Variants in CDK15 observed in about 807,000 individuals in gnomAD.
The protein encoded by CDK15 is cyclin-dependent kinase 15.
In CDK15, 62 loss-of-function variants were observed where a neutral mutation model predicts 60.3. That is an observed-to-expected ratio of 1.03 (90% confidence interval 0.84 to 1.27). CDK15 has a LOEUF of 1.27. CDK15 is among the 50% of genes most tolerant of loss of function. CDK15 has a pLI of 0.00. For synonymous variants in CDK15, 194 were observed against 195.7 expected (o/e 0.99, Z 0.07); for missense variants, 541 against 527.8 (o/e 1.03, Z -0.25).
chr2:201,836,108 AT>A (rs1470263262), intron 8 of CDK15, among the ~76,000 whole-genome samples: 3 of 107,278 alleles, frequency 2.8e-5, no homozygotes, highest in East Asian at 2.4e-4. Context: ...ATATTTATAT[AT>A]TTATATATAT....
At chr2:201,855,867 C>A (rs921442202) in intron 10 of CDK15, among the ~76,000 whole-genome samples, 2 of 150,576 alleles carry the variant, frequency 1.3e-5, no homozygotes, top group Non-Finnish European at 3.0e-5. Flanking sequence ...CTCTTATCGC[C>A]CAGGCTGGAG....
At chr2:201,829,321 C>G (rs999880238) in intron 6 of CDK15, among the ~76,000 whole-genome samples, 21 of 152,148 alleles carry the variant, frequency 1.4e-4, no homozygotes, top group Admixed American at 1.2e-3. Flanking sequence ...AGGTTCCAGC[C>G]TTGACAGTGA....
chr2:201,829,065 G>A (rs1466622030), intron 6 of CDK15, among the ~76,000 whole-genome samples: 3 of 152,134 alleles, frequency 2.0e-5, no homozygotes, highest in South Asian at 2.1e-4. Flanking sequence ...TATCACAGTC[G>A]TGCTATTTTA....
intron 9 of CDK15, among the ~76,000 whole-genome samples, chr2:201,850,135 T>G (rs2105779895): frequency 6.6e-6 from 1 of 152,330 alleles, no homozygotes; most frequent in East Asian, 1.9e-4. Flanking sequence ...ATAAACTGAT[T>G]TTTAAAATAC....
chr2:201,849,212 CA>C (rs1352775291), intron 9 of CDK15, among the ~76,000 whole-genome samples: 1 of 152,192 alleles, frequency 6.6e-6, no homozygotes, highest in African/African-American at 2.4e-5. Context: ...TCCATAAAAA[CA>C]AATGCATAAC....
chr2:201,879,072 A>G (rs1316285428), intron 11 of CDK15, among the ~76,000 whole-genome samples: 2 of 152,190 alleles, frequency 1.3e-5, no homozygotes, highest in African/African-American at 4.8e-5. Context: ...CCAACCACTT[A>G]CTAGCACATA....
intron 10 of CDK15, among the ~76,000 whole-genome samples, chr2:201,870,018 A>C (rs968667979): frequency 6.6e-6 from 1 of 152,228 alleles, no homozygotes; most frequent in African/African-American, 2.4e-5. Context: ...CTTAGTGCCC[A>C]CCTGGGACTA....
rs770796387 is a variant in CDK15 at position 201,833,950 on chromosome 2, G to A, written c.709G>A (p.Glu237Lys). 6.2e-7 allele frequency: 1 copy of A among 1,613,714 alleles called. No homozygotes were observed. The highest frequency in any genetic ancestry group is 2.2e-5 in the East Asian group (1 of 44,880). ...PQNLLISHLG[E>K]LKLADFGLAR... ...GAACTTACTCATCAGTCACCTGGGA[G>A]AGCTCAAACTGGCTGATTTTGGTAA... Residue 237 changes from glutamate to lysine, a missense_variant, in exon 7 of 14, where the codon GAG becomes AAG. Transcript: ENST00000652192.
At chr2:201,863,626 C>A (rs956818393) in intron 10 of CDK15, among the ~76,000 whole-genome samples, 10 of 151,672 alleles carry the variant, frequency 6.6e-5, no homozygotes, top group Admixed American at 1.3e-4. Flanking sequence ...CCGAGGCGGG[C>A]GGATCACTTC....
chr2:201,821,321 G>A (rs1696209988), intron 4 of CDK15, among the ~76,000 whole-genome samples: 3 of 151,974 alleles, frequency 2.0e-5, no homozygotes, highest in Admixed American at 6.6e-5. Flanking sequence ...GGTAGAGGCC[G>A]GGTCAGTTCC....
intron 11 of CDK15, among the ~76,000 whole-genome samples, 169 bp downstream of exon 11, chr2:201,872,495 T>C (rs1348106852): frequency 6.6e-6 from 1 of 152,182 alleles, no homozygotes; most frequent in Non-Finnish European, 1.5e-5. Context: ...AGTCTGTTAA[T>C]TTTTTTCTAT....
At chr2:201,884,963 A>G (rs1178120675) in intron 12 of CDK15, among the ~76,000 whole-genome samples, 1 of 152,196 alleles carries the variant, frequency 6.6e-6, no homozygotes, top group Non-Finnish European at 1.5e-5. Flanking sequence ...TGTTTGAAGG[A>G]GGTGAGATTA....
At chr2:201,890,638 T>C in intron 12 of CDK15, 147 bp from the exon 13 acceptor site, 1 of 585,436 alleles carries the variant, frequency 1.7e-6, no homozygotes, top group Non-Finnish European at 3.0e-6. Flanking sequence ...AAGTGAGTCA[T>C]CTATGAGTCA....
intron 11 of CDK15, among the ~76,000 whole-genome samples, chr2:201,878,040 A>G (rs1699145200): frequency 6.6e-6 from 1 of 152,212 alleles, no homozygotes. Flanking sequence ...AAGTAAGCCC[A>G]TCTATGTCTG....
chr2:201,835,683 T>A lies in CDK15; in HGVS notation c.771T>A (p.Ser257=). 5 of 1,611,512 alleles carry A rather than the reference T, an allele frequency of 3.1e-6. No homozygotes were observed. Among genetic ancestry groups the A allele is most frequent in the Non-Finnish European group, 4.2e-6 (5 of 1,178,514 alleles). The change falls in exon 8 of 14, where the codon TCT becomes TCA. Residue 257 remains serine (S), a synonymous_variant. Transcript: ENST00000652192. ...RAKSIPSQTY[S]SEVVTLWYRP... ...AGTCCATTCCCAGCCAGACATACTC[T>A]TCAGAAGTCGTGACCCTCTGGTACC...
intron 8 of CDK15, among the ~76,000 whole-genome samples, chr2:201,842,295 A>G (rs1442239737): frequency 3.3e-5 from 5 of 152,180 alleles, no homozygotes; most frequent in Admixed American, 3.3e-4. Context: ...TTCAAGGTTC[A>G]TCCATGTCGT....
At chr2:201,836,266 C>T (rs1446866045) in intron 8 of CDK15, among the ~76,000 whole-genome samples, 9 of 139,890 alleles carry the variant, frequency 6.4e-5, no homozygotes, top group South Asian at 2.2e-4. Flanking sequence ...TGCAGTGGCA[C>T]GATCTCAGCT....
At chr2:201,822,317 T>G (rs944254166) in intron 4 of CDK15, among the ~76,000 whole-genome samples, 4 of 152,252 alleles carry the variant, frequency 2.6e-5, no homozygotes, top group African/African-American at 9.6e-5. Context: ...TACCCCATGC[T>G]TTTATCCCTG....
At chr2:201,870,989 G>A (rs867011605) in intron 10 of CDK15, among the ~76,000 whole-genome samples, 2 of 152,006 alleles carry the variant, frequency 1.3e-5, no homozygotes, top group Non-Finnish European at 1.5e-5. Flanking sequence ...TGGGTTAAAT[G>A]GTATCAATAC....
Sources: gnomAD v4.1 joint callset for allele counts (sites outside exome capture counted in the v4.1 genomes callset) on GRCh38, gnomAD v4.1.1 for gene constraint, MANE v1.5 for transcripts, NCBI Gene and HGNC (gene_info 2026-07-23, HGNC 2026-07-21) for gene names.